Variants in MED14 observed in about 807,000 individuals in gnomAD.
The protein encoded by MED14 is mediator of RNA polymerase II transcription subunit 14.
Under a neutral mutation model 109.0 loss-of-function variants are expected in MED14, and 8 were observed. The observed-to-expected ratio is 0.07, with a 90% CI of 0.04 to 0.13. MED14 has a LOEUF of 0.13. Among genes scored for constraint, MED14 ranks in the 10% least tolerant of loss-of-function variants. The pLI is 1.00. For missense variants in MED14, 711 were observed against 1,142.4 expected, an observed-to-expected ratio of 0.62 and a Z score of 5.44; for synonymous variants, 399 against 408.7, an observed-to-expected ratio of 0.98 and a Z score of 0.29.
chrX:40,700,796 G>A (rs1259825570), intron 12 of MED14, among the ~76,000 whole-genome samples: 2 of 111,814 alleles, frequency 1.8e-5, no homozygotes, highest in East Asian at 5.6e-4. Flanking sequence ...AGTGTCAGTT[G>A]GTAGTCAACC....
intron 11 of MED14, among the ~76,000 whole-genome samples, chrX:40,702,921 A>G (rs1347336589): frequency 8.9e-6 from 1 of 112,128 alleles, no homozygotes; most frequent in Non-Finnish European, 1.9e-5. Context: ...CAAAAACACT[A>G]AATTCTTATT....
At chrX:40,671,205 G>C (rs1354931437) in intron 23 of MED14, among the ~76,000 whole-genome samples, 1 of 110,887 alleles carries the variant, frequency 9.0e-6, no homozygotes, top group Non-Finnish European at 1.9e-5. Flanking sequence ...GAGCAGGGCT[G>C]GTATCCGGTT....
At chrX:40,715,290 G>C (rs773676729) in intron 3 of MED14, among the ~76,000 whole-genome samples, 4 of 111,624 alleles carry the variant, frequency 3.6e-5, no homozygotes, top group African/African-American at 1.3e-4. Flanking sequence ...TTCCAAAAAA[G>C]CACCAAGAAC....
intron 26 of MED14, 113 bp from the exon 27 acceptor site, chrX:40,659,720 G>A: frequency 1.0e-5 from 7 of 672,260 alleles, no homozygotes; most frequent in Non-Finnish European, 1.5e-5. Flanking sequence ...CCAAAACAAA[G>A]GCACCTACAG....
chrX:40,673,644 C>A (rs1474084004), intron 22 of MED14, among the ~76,000 whole-genome samples: 1 of 110,171 alleles, frequency 9.1e-6, no homozygotes, highest in South Asian at 3.9e-4. Context: ...GTCGGGAGTT[C>A]GAGATCAGCC....
Position 40,649,870 on chromosome X carries a change from A to G in MED14, c.*1936T>C. 1.3e-6 allele frequency: 1 copy of G among 774,873 alleles called. No individual in the cohort carries two copies. Among genetic ancestry groups the G allele is most frequent in the Non-Finnish European group, 1.5e-6 (1 of 646,950 alleles). The allele number at this position is 774,873 out of a possible 1,213,427, so 63.9% of individuals were successfully genotyped here. On this transcript the variant is annotated 3_prime_UTR_variant, in exon 31 of 31. Transcript: ENST00000324817. ...GAATCCTATCTTACTCTTGATTGGC[A>G]CAATGCATTCAGAGATGAGTTATAA...
chrX:40,677,212 T>C (rs1164128965), intron 21 of MED14, among the ~76,000 whole-genome samples: 1 of 112,061 alleles, frequency 8.9e-6, no homozygotes, highest in Admixed American at 9.5e-5. Flanking sequence ...TTTCCCAATA[T>C]TGAAAGCAAG....
At chrX:40,671,812 A>G in intron 23 of MED14, 49 bp downstream of exon 23, 1 of 851,303 alleles carries the variant, frequency 1.2e-6, no homozygotes, top group Non-Finnish European at 1.7e-6. Context: ...GTGTGTGTGT[A>G]TTTTGGATTT....
At chrX:40,719,536 AG>A (rs1010914071) in intron 3 of MED14, among the ~76,000 whole-genome samples, 1 of 112,056 alleles carries the variant, frequency 8.9e-6, no homozygotes, top group African/African-American at 3.2e-5. Context: ...AAAAATGCTA[AG>A]TTAAAGAAGC....
At chrX:40,683,067 G>T in intron 16 of MED14, 71 bp from the exon 17 acceptor site, 1 of 914,579 alleles carries the variant, frequency 1.1e-6, no homozygotes, top group Non-Finnish European at 1.5e-6. Context: ...TGACAGACAA[G>T]GTATGACATT....
At chrX:40,685,251 T>C (rs1930252983) in intron 16 of MED14, among the ~76,000 whole-genome samples, 1 of 112,098 alleles carries the variant, frequency 8.9e-6, no homozygotes, top group African/African-American at 3.2e-5. Flanking sequence ...AGCCAGGCTA[T>C]GGTCTTTTAA....
intron 21 of MED14, among the ~76,000 whole-genome samples, chrX:40,679,238 A>T (rs1386284259): frequency 1.8e-5 from 2 of 111,854 alleles, no homozygotes; most frequent in African/African-American, 6.5e-5. Flanking sequence ...GGCACAGATT[A>T]CATCACGCCT....
intron 16 of MED14, among the ~76,000 whole-genome samples, chrX:40,688,153 G>T (rs1447301145): frequency 1.8e-5 from 2 of 111,599 alleles, no homozygotes; most frequent in Non-Finnish European, 3.8e-5. Context: ...GGAGGCAGAG[G>T]TTGGGAGGCT....
chrX:40,684,947 A>G (rs1292690806), intron 16 of MED14, among the ~76,000 whole-genome samples: 2 of 111,852 alleles, frequency 1.8e-5, no homozygotes, highest in East Asian at 5.6e-4. Context: ...TTATGAATGG[A>G]ACAGAATGAA....
intron 23 of MED14, 81 bp from the exon 24 acceptor site, chrX:40,666,932 C>T: frequency 1.1e-6 from 1 of 912,300 alleles, no homozygotes; most frequent in South Asian, 2.6e-5. Flanking sequence ...AAAAATCTCC[C>T]TATAAATTAA....
At chrX:40,715,647 G>A (rs748335242) in intron 3 of MED14, among the ~76,000 whole-genome samples, 4 of 108,728 alleles carry the variant, frequency 3.7e-5, no homozygotes, top group African/African-American at 1.0e-4. Flanking sequence ...TTAGCTGGGC[G>A]CGGTGGCACG....
chrX:40,701,790 CA>C (rs1336179270), intron 11 of MED14, among the ~76,000 whole-genome samples: 1 of 111,137 alleles, frequency 9.0e-6, no homozygotes, highest in Non-Finnish European at 1.9e-5. Context: ...AAGCAAGATA[CA>C]AAATGATTTT....
At chrX:40,664,107 A>G (rs768542169) in intron 25 of MED14, among the ~76,000 whole-genome samples, 200 bp downstream of exon 25, 2 of 110,780 alleles carry the variant, frequency 1.8e-5, no homozygotes, top group African/African-American at 6.6e-5. Flanking sequence ...GAGAACTTCC[A>G]GATAGGCAAA....
rs191148446 is a variant in MED14 at position 40,657,786 on chromosome X, T to C, written c.3972+1441A>G. ...GCTGTCTCTTACTTTGCACTTCAGA[T>C]TGACTGACTGATTGATTTTTTTGGA... On this transcript the variant is annotated intron_variant, in intron 28 of 30. Coordinates refer to ENST00000324817, the MANE Select transcript of MED14 (RefSeq NM_004229.4). Among the ~76,000 whole-genome samples the C allele has an allele frequency of 1.0e-3, 113 of 111,711 alleles. 1 individual carries two copies. Among genetic ancestry groups the C allele is most frequent in the African/African-American group, 3.6e-3 (111 of 30,778 alleles).
Sources: gnomAD v4.1 joint callset for allele counts (sites outside exome capture counted in the v4.1 genomes callset) on GRCh38, gnomAD v4.1.1 for gene constraint, MANE v1.5 for transcripts, NCBI Gene and HGNC (gene_info 2026-07-23, HGNC 2026-07-21) for gene names.